METTL13: variants seen among roughly 807,000 people sequenced by gnomAD.
METTL13 encodes the protein methyltransferase 13, eEF1A N-terminus and K55, also known as eEF1A lysine and N-terminal methyltransferase.
A neutral mutation model predicts 67.4 loss-of-function variants in METTL13; 52 were observed. The ratio of observed to expected loss-of-function variants is 0.77; its 90% confidence interval spans 0.62 to 0.97. The LOEUF (loss-of-function observed/expected upper bound fraction) is 0.97. Ranked by LOEUF, METTL13 falls within the 50% of genes least tolerant of loss-of-function variation. The pLI, the probability that METTL13 is intolerant of heterozygous loss-of-function variation, is 0.00. For missense variants in METTL13, 825 were observed against 889.6 expected, an observed-to-expected ratio of 0.93 and a Z score of 0.92; for synonymous variants, 354 against 353.6, an observed-to-expected ratio of 1.00 and a Z score of -0.01.
rs771013492 is a variant in METTL13, at chr1:171,783,798, A to C, written c.212A>C (p.Tyr71Ser). The change falls in exon 2 of 8, where the codon TAT becomes TCT. Residue 71 changes from tyrosine (Y) to serine (S), a missense_variant. Transcript: ENST00000361735. The part of the protein sequence containing the change: ...ELSEQLYDVG[Y>S]RDIVNIDISE... ...AGTGAGCAACTGTATGATGTGGGCT[A>C]TCGGGATATAGTGAACATCGACATC... 1 of 1,614,144 alleles carries C rather than the reference A, an allele frequency of 6.2e-7. No individual in the cohort carries two copies. Among genetic ancestry groups the C allele is most frequent in the Non-Finnish European group, 8.5e-7 (1 of 1,179,990 alleles).
At position 171,790,617 on chromosome 1, in the gene METTL13, G is replaced by A; in HGVS notation, c.1474+1G>A. ...CTGAGAAACCCAGAGCTACTCCTAG[G>A]TGAGAGAGATGCCACTGCCTTCCAC... On this transcript the variant is annotated splice_donor_variant, in intron 5 of 7. Coordinates refer to ENST00000361735, the MANE Select transcript of METTL13 (RefSeq NM_015935.5). LOFTEE classifies it high-confidence loss of function. 6.5e-7 allele frequency: 1 copy of A among 1,533,032 alleles called. No individual in the cohort carries two copies. The highest frequency in any genetic ancestry group is 8.8e-7 in the Non-Finnish European group (1 of 1,142,538). The allele number at this position is 1,533,032 out of a possible 1,614,324, so 95.0% of individuals were successfully genotyped here.
rs911333200 is a variant in METTL13, at chr1:171,781,762, G to C, written c.-206G>C. 2.9e-6 allele frequency: 4 copies of C among 1,387,516 alleles called. No homozygotes were observed. The African/African-American group carries it at 5.8e-5, about 20-fold the overall frequency. The allele number at this position is 1,387,516 out of a possible 1,614,324, so 86.0% of individuals were successfully genotyped here. ...GGCGCGGAGGAGGGGGCAAGCGTGT[G>C]TGAGATTCAGTGGTCCATGCGTGCG... On this transcript the variant is annotated 5_prime_UTR_variant, in exon 1 of 8. Transcript: ENST00000361735.
rs896276458 is a variant in METTL13, at chr1:171,784,462, G to A, written c.876G>A (p.Val292=). ...YTLHVVDSPT[V]KPSRDNHFAI... ...TCCACGTGGTGGACAGCCCCACTGT[G>A]AAACCATCGCGGGACAATCATTTTG... Residue 292 remains valine, a synonymous_variant, in exon 2 of 8, where the codon GTG becomes GTA. Transcript: ENST00000361735. The A allele has an allele frequency of 1.3e-6, 2 of 1,508,212 alleles. No homozygotes were observed. Among genetic ancestry groups the A allele is most frequent in the Non-Finnish European group, 1.8e-6 (2 of 1,129,366 alleles). 93.4% of individuals were successfully genotyped at this position (1,508,212 alleles called of 1,614,324 possible).
chr1:171,785,514 A>G (rs1656980300), intron 2 of METTL13, among the ~76,000 whole-genome samples: 1 of 152,240 alleles, frequency 6.6e-6, no homozygotes, highest in Non-Finnish European at 1.5e-5. Context: ...AAAAATGGGA[A>G]TAATACTACT....
intron 4 of METTL13, among the ~76,000 whole-genome samples, chr1:171,789,954 A>G (rs1260472475): frequency 6.6e-6 from 1 of 152,208 alleles, no homozygotes; most frequent in Non-Finnish European, 1.5e-5. Flanking sequence ...CTGAGACTGG[A>G]TAATTTGTAA....
intron 6 of METTL13, 133 bp downstream of exon 6, chr1:171,792,368 G>A: frequency 1.0e-6 from 1 of 975,992 alleles, no homozygotes; most frequent in Non-Finnish European, 1.5e-6. Context: ...CTGTTCATTT[G>A]TTGATATACT....
intron 3 of METTL13, 119 bp downstream of exon 3, chr1:171,786,197 A>AG: frequency 9.0e-7 from 1 of 1,109,622 alleles, no homozygotes; most frequent in South Asian, 1.6e-5. Flanking sequence ...CTAATCCTGG[A>AG]GGGGTATCAG....
In METTL13 at chr1:171,784,093, A is replaced by G; in HGVS notation, c.507A>G (p.Lys169=). The G allele has an allele frequency of 6.2e-7, 1 of 1,614,214 alleles. No individual in the cohort carries two copies. Among genetic ancestry groups the G allele is most frequent in the East Asian group, 2.2e-5 (1 of 44,878 alleles). Residue 169 remains lysine, a synonymous_variant, in exon 2 of 8, where the codon AAA becomes AAG. Transcript: ENST00000361735. ...TGGCTCAGGCTCACATCCTGAAGAA[A>G]GCAGTGGGCCACTTCTCCCGGGAGG... ...ISLAQAHILK[K]AVGHFSREGW... is the part of the protein sequence containing the mutation.
chr1:171,786,284 G>C (rs1657007474), intron 3 of METTL13, among the ~76,000 whole-genome samples: 4 of 152,220 alleles, frequency 2.6e-5, no homozygotes. Context: ...TAGCGTCTGT[G>C]TCTGGGGGAG....
Position 171,792,067 on chromosome 1 carries a change from C to G in METTL13, c.1525C>G (p.Leu509Val), listed in dbSNP as rs752310306. Residue 509 changes from leucine (L) to valine (V), a missense_variant, in exon 6 of 8, where the codon CTC becomes GTC. Transcript: ENST00000361735. ...AGGCCTGGGCGGGGGCAGCCTCCCC[C>G]TCTTTGTCCACGATCATTTTCCAAA... Reference protein sequence around the residue: ...VVGLGGGSLPLFVHDHFPKSC... With the variant: ...VVGLGGGSLPVFVHDHFPKSC... 5 of 1,613,390 alleles carry G rather than the reference C, an allele frequency of 3.1e-6. No individual in the cohort carries two copies. Among genetic ancestry groups the G allele is most frequent in the Admixed American group, 1.7e-5 (1 of 60,036 alleles).
At chr1:171,795,308 G>A (rs1275081280) in intron 7 of METTL13, among the ~76,000 whole-genome samples, 1 of 152,126 alleles carries the variant, frequency 6.6e-6, no homozygotes, top group East Asian at 1.9e-4. Context: ...ATTATAAGTG[G>A]TGCTGCCATT....
chr1:171,787,600 A>G (rs924651921), intron 3 of METTL13, 135 bp from the exon 4 acceptor site: 2 of 745,262 alleles, frequency 2.7e-6, no homozygotes, highest in Admixed American at 2.9e-5. Flanking sequence ...CTTTAATAGA[A>G]TGGCAAATCT....
intron 3 of METTL13, among the ~76,000 whole-genome samples, chr1:171,786,396 A>G (rs1279157660): frequency 2.0e-5 from 3 of 152,116 alleles, no homozygotes; most frequent in African/African-American, 7.2e-5. Context: ...TTCTCCTTCC[A>G]CACTGGACTT....
intron 4 of METTL13, 151 bp downstream of exon 4, chr1:171,788,081 A>G (rs1219706057): frequency 6.9e-6 from 5 of 720,734 alleles, no homozygotes; most frequent in African/African-American, 1.8e-5. Flanking sequence ...TAAGCAGAGT[A>G]CATTCTGTTC....
chr1:171,788,564 AT>A (rs1657101377), intron 4 of METTL13, among the ~76,000 whole-genome samples: 1 of 112,176 alleles, frequency 8.9e-6, no homozygotes, highest in Non-Finnish European at 2.0e-5. Flanking sequence ...GATCTAAACC[AT>A]CTCTTCTAGG....
At chr1:171,792,333 C>T (rs1657236870) in intron 6 of METTL13, 98 bp downstream of exon 6, 1 of 1,334,304 alleles carries the variant, frequency 7.5e-7, no homozygotes, top group African/African-American at 1.5e-5. Context: ...AAGAGAGTGG[C>T]ATGAGTATCG....
chr1:171,794,366 G>A, intron 6 of METTL13, 30 bp from the exon 7 acceptor site: 1 of 1,613,914 alleles, frequency 6.2e-7, no homozygotes, highest in Non-Finnish European at 8.5e-7. Flanking sequence ...ATCCAGCAAA[G>A]ACAAGGACTT....
chr1:171,785,967 T>G lies in METTL13; in HGVS notation c.1002T>G (p.Ile334Met), dbSNP rs1484029832. 1.9e-6 allele frequency: 3 copies of G among 1,613,802 alleles called. No homozygotes were observed. The highest frequency in any genetic ancestry group is 2.5e-6 in the Non-Finnish European group (3 of 1,179,962). The change falls in exon 3 of 8, where the codon ATT becomes ATG. Residue 334 changes from isoleucine (I) to methionine (M), a missense_variant. By Grantham distance (10) the Ile-to-Met change is conservative (BLOSUM62 1). Coordinates refer to ENST00000361735, the MANE Select transcript of METTL13 (RefSeq NM_015935.5). ...LAASAGFRRLITVALHRGQQY... is the reference protein window; with the variant it reads ...LAASAGFRRLMTVALHRGQQY... Reference sequence around the variant, plus strand: ...CCAGTGCTGGCTTCAGGAGGTTGATTACAGTGGCCCTTCACCGAGGTCAGC... The same window carrying G: ...CCAGTGCTGGCTTCAGGAGGTTGATGACAGTGGCCCTTCACCGAGGTCAGC...
At chr1:171,791,451 T>C (rs1295648919) in intron 5 of METTL13, among the ~76,000 whole-genome samples, 1 of 152,182 alleles carries the variant, frequency 6.6e-6, no homozygotes, top group Non-Finnish European at 1.5e-5. Context: ...TTCCCTTTCC[T>C]AGAGAGGGTC....
Sources: gnomAD v4.1 joint callset for allele counts (sites outside exome capture counted in the v4.1 genomes callset) on GRCh38, gnomAD v4.1.1 for gene constraint, MANE v1.5 for transcripts, NCBI Gene and HGNC (gene_info 2026-07-23, HGNC 2026-07-21) for gene names.